Variants in MTARC2 observed in about 807,000 individuals in gnomAD.
The protein encoded by MTARC2 is mitochondrial amidoxime reducing component 2.
MTARC2 carries 27 observed loss-of-function variants against 35.6 expected under a neutral mutation model. The ratio of observed to expected loss-of-function variants is 0.76; its 90% CI spans 0.56 to 1.04. The LOEUF (loss-of-function observed/expected upper bound fraction) is 1.04. Ranked by LOEUF, MTARC2 falls within the 50% of genes least tolerant of loss-of-function variation. The pLI is 0.00. For missense variants in MTARC2, 412 were observed against 432.5 expected, an observed-to-expected ratio of 0.95 and a Z score of 0.42; for synonymous variants, 158 against 167.1, an observed-to-expected ratio of 0.95 and a Z score of 0.42.
intron 4 of MTARC2, among the ~76,000 whole-genome samples, chr1:220,768,026 T>C (rs1261285722): frequency 6.6e-6 from 1 of 152,220 alleles, no homozygotes; most frequent in Non-Finnish European, 1.5e-5. Context: ...AGGGATTTCT[T>C]GAAGTAGCGG....
Position 220,773,747 on chromosome 1 carries a change from T to G in MTARC2, c.751-6271T>G, listed in dbSNP as rs979486038. On this transcript the variant is annotated intron_variant, in intron 4 of 7. Transcript: ENST00000366913. ...ATGTCACAGAGAATCTAATGAACTA[T>G]CTAGACAAAAATTATTTTTAAGATG... is the stretch of plus-strand genomic sequence containing the variant. 2.0e-5 allele frequency among the ~76,000 whole-genome samples: 3 copies of G among 152,236 alleles called. No homozygotes were observed. In the South Asian group the frequency reaches 6.2e-4, roughly 32 times the overall value.
In MTARC2 at chr1:220,780,216, A is replaced by G. The variant is rs776968026; in HGVS notation, c.861A>G (p.Lys287=). 9 of 1,612,572 alleles carry G rather than the reference A, an allele frequency of 5.6e-6. No individual in the cohort carries two copies. Among genetic ancestry groups the G allele is most frequent in the Non-Finnish European group, 8.5e-7 (1 of 1,179,604 alleles). ...CAGACACTGGAGTCATAGACAGGAA[A>G]CAGCCACTGGACACCCTGAAGAGGT... ...VDPDTGVIDR[K]QPLDTLKSYR... The change falls in exon 6 of 8, where the codon AAA becomes AAG. Residue 287 remains lysine, a synonymous_variant. Coordinates refer to ENST00000366913, the MANE Select transcript of MTARC2 (RefSeq NM_017898.5).
At chr1:220,754,774 C>G (rs1223325657) in intron 1 of MTARC2, among the ~76,000 whole-genome samples, 173 bp from the exon 2 acceptor site, 1 of 152,200 alleles carries the variant, frequency 6.6e-6, no homozygotes, top group Non-Finnish European at 1.5e-5. Context: ...TTTCTGGGGT[C>G]ACCAACTTTT....
In MTARC2 at chr1:220,755,029, G is replaced by A. The variant is rs772062713; in HGVS notation, c.355G>A (p.Glu119Lys). 2 of 1,613,338 alleles carry A rather than the reference G, an allele frequency of 1.2e-6. No homozygotes were observed. Among genetic ancestry groups the A allele is most frequent in the East Asian group, 4.5e-5 (2 of 44,814 alleles). Residue 119 changes from glutamate (E) to lysine (K), a missense_variant, in exon 2 of 8, where the codon GAG becomes AAG. Glu to Lys is a moderately conservative substitution (Grantham distance 56). Transcript: ENST00000366913. Reference sequence around the variant, plus strand: ...CCTCGTGCTCATCTCCATCATTTATGAGAATAACTGCCTGATCTTCAGGGC... The same window carrying A: ...CCTCGTGCTCATCTCCATCATTTATAAGAATAACTGCCTGATCTTCAGGGC... The part of the protein sequence containing the change: ...PRLVLISIIY[E>K]NNCLIFRAPD...
intron 2 of MTARC2, among the ~76,000 whole-genome samples, chr1:220,758,274 C>T (rs1461889382): frequency 3.3e-5 from 5 of 152,056 alleles, no homozygotes; most frequent in African/African-American, 7.2e-5. Flanking sequence ...TGAGCCACCA[C>T]GCCCGGCCAC....
chr1:220,749,758 GT>G (rs1671082923), intron 1 of MTARC2, among the ~76,000 whole-genome samples: 1 of 152,110 alleles, frequency 6.6e-6, no homozygotes, highest in Admixed American at 6.5e-5. Flanking sequence ...GGCCGAGATG[GT>G]TTAGCTGTGG....
At chr1:220,782,355 A>G (rs569462772) in intron 7 of MTARC2, among the ~76,000 whole-genome samples, 47 of 152,310 alleles carry the variant, frequency 3.1e-4, no homozygotes, top group South Asian at 1.0e-3. Context: ...TTTAAATTGA[A>G]TGTCTTTTAT....
chr1:220,754,136 G>A (rs567938660), intron 1 of MTARC2, among the ~76,000 whole-genome samples: 1 of 152,190 alleles, frequency 6.6e-6, no homozygotes, highest in Non-Finnish European at 1.5e-5. Flanking sequence ...AGGAGTGGAA[G>A]ATTTTTTTCT....
intron 4 of MTARC2, among the ~76,000 whole-genome samples, chr1:220,763,473 T>G (rs111895302): frequency 1.7e-3 from 259 of 152,290 alleles, no homozygotes; most frequent in African/African-American, 5.3e-3. Flanking sequence ...ACACAGGCAA[T>G]CTGCCCCGGA....
chr1:220,770,449 A>T (rs1446582750), intron 4 of MTARC2: 3 of 985,416 alleles, frequency 3.0e-6, no homozygotes, highest in Non-Finnish European at 3.6e-6. Flanking sequence ...GTGATACGTG[A>T]ACGCACGCTT....
chr1:220,762,739 T>C (rs866579466), intron 3 of MTARC2, among the ~76,000 whole-genome samples, 171 bp from the exon 4 acceptor site: 1 of 152,302 alleles, frequency 6.6e-6, no homozygotes, highest in South Asian at 2.1e-4. Flanking sequence ...GGGCAGGAAC[T>C]GCTCCAGCTC....
chr1:220,784,029 G>A lies in MTARC2; in HGVS notation c.*142G>A, dbSNP rs60301504. ...TATCTTTACCCTGGAAAACAATCTC[G>A]ATTTTTGACTTTTCAAAGTTGTGTA... On this transcript the variant is annotated 3_prime_UTR_variant, in exon 8 of 8. Coordinates refer to ENST00000366913, the MANE Select transcript of MTARC2 (RefSeq NM_017898.5). The A allele has an allele frequency of 4.2e-6, 3 of 711,604 alleles. No homozygotes were observed. Among genetic ancestry groups the A allele is most frequent in the East Asian group, 2.7e-5 (1 of 37,176 alleles). The allele number at this position is 711,604 out of a possible 1,614,324, so 44.1% of individuals were successfully genotyped here. A position where few individuals can be genotyped will look rare whatever the true frequency, so the allele number is the denominator to read the frequency against.
chr1:220,769,845 T>TCC (rs1289300591), intron 4 of MTARC2, among the ~76,000 whole-genome samples: 1 of 138,546 alleles, frequency 7.2e-6, no homozygotes, highest in African/African-American at 2.7e-5. Context: ...CATTGGCTTT[T>TCC]TCTTTTTTTT....
Position 220,748,586 on chromosome 1 carries a change from TG to T in MTARC2, c.57del (p.Trp19CysfsTer10). 6.9e-7 allele frequency: 1 copy of T among 1,453,466 alleles called. No individual in the cohort carries two copies. The allele number at this position is 1,453,466 out of a possible 1,614,324, so 90.0% of individuals were successfully genotyped here. A position where few individuals can be genotyped will look rare whatever the true frequency, so the allele number is the denominator to read the frequency against. On this transcript the variant is annotated frameshift_variant, in exon 1 of 8. Coordinates refer to ENST00000366913, the MANE Select transcript of MTARC2 (RefSeq NM_017898.5). LOFTEE classifies it high-confidence loss of function. ...CCGCCTCGGCCTCCCAGCCCGGCCC[TG>T]GCCCAGGTGGCTCGGGGTCGCCGCG... Reference protein sequence around the residue: ...LARLGLPARPWPRWLGVAALG... With the variant: ...LARLGLPARPXPRWLGVAALG...
At position 220,776,864 on chromosome 1, in the gene MTARC2, G is replaced by T. The variant is rs12402066; in HGVS notation, c.751-3154G>T. Among the ~76,000 whole-genome samples, 371 of 152,076 alleles carry T rather than the reference G, an allele frequency of 2.4e-3. 2 individuals are homozygous for T. The highest frequency in any genetic ancestry group is 8.6e-3 in the African/African-American group (357 of 41,492). On this transcript the variant is annotated intron_variant, in intron 4 of 7. Transcript: ENST00000366913. ...CCATTCAGCACAGCGCGGCTGGGTC[G>T]GCTTCCATTCCTGGGTCCGCAGCGC...
chr1:220,776,864 G>C (rs12402066), intron 4 of MTARC2, among the ~76,000 whole-genome samples: 51,086 of 152,002 alleles, frequency 0.34, 10,042 homozygotes, highest in East Asian at 0.68. Context: ...CGGCTGGGTC[G>C]GCTTCCATTC....
intron 2 of MTARC2, among the ~76,000 whole-genome samples, chr1:220,761,117 T>C (rs1262347956): frequency 6.6e-6 from 1 of 152,236 alleles, no homozygotes; most frequent in East Asian, 1.9e-4. Context: ...CGCTGTGTTA[T>C]CTAAAGTTAT....
rs1388054261 is a variant in MTARC2, at chr1:220,748,679, C to A, written c.148C>A (p.Arg50=). The A allele has an allele frequency of 6.3e-7, 1 of 1,585,256 alleles. No homozygotes were observed. Among genetic ancestry groups the A allele is most frequent in the South Asian group, 1.1e-5 (1 of 88,024 alleles). Residue 50 remains arginine (R), a synonymous_variant, in exon 1 of 8, where the codon CGG becomes AGG. Transcript: ENST00000366913. ...WRRAWPRRRR[R]LQQVGTVAKL... ...CCGCGCATGGCCCAGGCGGCGCCGGCGGCTGCAGCAGGTGGGCACCGTGGC... is the reference window on the plus strand; with the variant it reads ...CCGCGCATGGCCCAGGCGGCGCCGGAGGCTGCAGCAGGTGGGCACCGTGGC...
chr1:220,764,720 G>T (rs117527610), intron 4 of MTARC2, among the ~76,000 whole-genome samples: 18 of 151,948 alleles, frequency 1.2e-4, no homozygotes, highest in Admixed American at 2.6e-4. Context: ...GCCCCGGGCC[G>T]GAGATTGTGC....
Sources: gnomAD v4.1 joint callset for allele counts (sites outside exome capture counted in the v4.1 genomes callset) on GRCh38, gnomAD v4.1.1 for gene constraint, MANE v1.5 for transcripts, NCBI Gene and HGNC (gene_info 2026-07-23, HGNC 2026-07-21) for gene names.